Variants in PRR16 observed in about 807,000 individuals in gnomAD.
PRR16 encodes protein Largen.
PRR16 carries 6 observed loss-of-function variants against 18.2 expected under a neutral mutation model. The observed-to-expected ratio is 0.33, with a 90% CI of 0.18 to 0.65. The LOEUF (loss-of-function observed/expected upper bound fraction) is 0.65, where lower values mean the gene tolerates loss of function less well. PRR16 is among the 30% of genes least tolerant of loss of function. The pLI is 0.74. For missense variants in PRR16, 412 were observed against 376.6 expected, an observed-to-expected ratio of 1.09 and a Z score of -0.78; for synonymous variants, 151 against 147.8, an observed-to-expected ratio of 1.02 and a Z score of -0.16.
At chr5:120,622,791 C>T (rs1349456597) in intron 1 of PRR16, among the ~76,000 whole-genome samples, 1 of 152,020 alleles carries the variant, frequency 6.6e-6, no homozygotes, top group Admixed American at 6.6e-5. Context: ...GTTGGCATTT[C>T]ATATTTTAGC....
chr5:120,778,574 C>T, the PRR16 span, among the ~76,000 whole-genome samples: 1 of 152,156 alleles, frequency 6.6e-6, no homozygotes, highest in Non-Finnish European at 1.5e-5. Flanking sequence ...AGTCCAATAG[C>T]TTCAGGGACC....
chr5:120,770,122 G>C, the PRR16 span, among the ~76,000 whole-genome samples: 3 of 151,966 alleles, frequency 2.0e-5, no homozygotes, highest in Admixed American at 6.6e-5. Context: ...AACCAGAAAA[G>C]ACCCAAAATA....
intron 1 of PRR16, among the ~76,000 whole-genome samples, chr5:120,621,951 G>A (rs1754704022): frequency 1.3e-5 from 2 of 152,132 alleles, no homozygotes; most frequent in Admixed American, 1.3e-4. Context: ...CTGGCTCACT[G>A]TATTATTTCA....
At chr5:120,627,144 C>A (rs1754893842) in intron 1 of PRR16, among the ~76,000 whole-genome samples, 1 of 152,056 alleles carries the variant, frequency 6.6e-6, no homozygotes, top group South Asian at 2.1e-4. Flanking sequence ...ATATGCAGGG[C>A]ATTCATTTTT....
intron 1 of PRR16, among the ~76,000 whole-genome samples, chr5:120,650,399 A>T (rs868042094): frequency 6.6e-6 from 1 of 151,000 alleles, no homozygotes; most frequent in Non-Finnish European, 1.5e-5. Context: ...ACATATGTAT[A>T]CATGTGCCAT....
the PRR16 span, among the ~76,000 whole-genome samples, chr5:120,733,461 AC>A: frequency 6.6e-6 from 1 of 152,144 alleles, no homozygotes; most frequent in Non-Finnish European, 1.5e-5. Flanking sequence ...AAGATGGTAG[AC>A]TGTAATATTA....
chr5:120,464,415 C>T lies in PRR16; in HGVS notation c.-72C>T. ...ACCGGGGCGGCAGCGGCCGTAGCAG[C>T]GCCAGGGACGGGGGCACGCAGCAGC... On this transcript the variant is annotated 5_prime_UTR_variant, in exon 1 of 2. Transcript: ENST00000407149. 3 of 1,464,470 alleles carry T rather than the reference C, an allele frequency of 2.0e-6. No homozygotes were observed. Among genetic ancestry groups the T allele is most frequent in the South Asian group, 2.6e-5 (2 of 75,928 alleles). The allele number at this position is 1,464,470 out of a possible 1,614,324, so 90.7% of individuals were successfully genotyped here. A position where few individuals can be genotyped will look rare whatever the true frequency, so the allele number is the denominator to read the frequency against.
chr5:120,683,261 A>G (rs1757025979), intron 1 of PRR16, among the ~76,000 whole-genome samples: 2 of 152,154 alleles, frequency 1.3e-5, no homozygotes, highest in African/African-American at 2.4e-5. Context: ...ACTGGGCTGA[A>G]GCGAGTGGAT....
At chr5:120,689,497 G>T (rs1322384933), downstream of PRR16, among the ~76,000 whole-genome samples, 2 of 152,048 alleles carry the variant, frequency 1.3e-5, no homozygotes, top group East Asian at 3.9e-4. Context: ...TCTTCCTAAA[G>T]ACCATAAACA....
chr5:120,749,117 A>G, the PRR16 span, among the ~76,000 whole-genome samples: 2 of 152,288 alleles, frequency 1.3e-5, no homozygotes, highest in East Asian at 1.9e-4. Flanking sequence ...TTGAAAACAT[A>G]TAATGCATAT....
At chr5:120,635,918 A>G (rs1038637907) in intron 1 of PRR16, among the ~76,000 whole-genome samples, 4 of 152,170 alleles carry the variant, frequency 2.6e-5, no homozygotes, top group African/African-American at 9.6e-5. Context: ...GAATTCAGCA[A>G]AGTTTCAGGA....
At chr5:120,772,386 T>C in the PRR16 span, among the ~76,000 whole-genome samples, 1 of 152,260 alleles carries the variant, frequency 6.6e-6, no homozygotes, top group East Asian at 1.9e-4. Context: ...TACTACTGTA[T>C]CTGGAGTATA....
At chr5:120,550,117 A>G (rs1752205502) in intron 1 of PRR16, among the ~76,000 whole-genome samples, 1 of 152,014 alleles carries the variant, frequency 6.6e-6, no homozygotes, top group Non-Finnish European at 1.5e-5. Context: ...GAAAAATGAG[A>G]TATTGCACAG....
At chr5:120,617,232 C>G in intron 1 of PRR16, 1 of 887,432 alleles carries the variant, frequency 1.1e-6, no homozygotes, top group South Asian at 5.2e-5. Flanking sequence ...GGAATTTGGA[C>G]AGCACATACC....
intron 1 of PRR16, among the ~76,000 whole-genome samples, chr5:120,571,076 CA>C (rs1193057055): frequency 6.6e-6 from 1 of 151,996 alleles, no homozygotes; most frequent in African/African-American, 2.4e-5. Context: ...GGCATTTGAG[CA>C]GAGGATGGAG....
chr5:120,716,047 A>T, the PRR16 span, among the ~76,000 whole-genome samples: 10 of 152,164 alleles, frequency 6.6e-5, no homozygotes, highest in African/African-American at 1.9e-4. Flanking sequence ...AAATCTAAAC[A>T]GCAGCAACAA....
intron 1 of PRR16, among the ~76,000 whole-genome samples, chr5:120,509,646 C>T (rs1162325708): frequency 3.9e-5 from 6 of 152,070 alleles, no homozygotes; most frequent in African/African-American, 9.7e-5. Flanking sequence ...TTTAGCCTAT[C>T]GACTGCTTTC....
At chr5:120,727,014 A>C in the PRR16 span, among the ~76,000 whole-genome samples, 1 of 152,078 alleles carries the variant, frequency 6.6e-6, no homozygotes, top group Admixed American at 6.6e-5. Context: ...ATCCCCTTTC[A>C]GCCCCAGAAC....
intron 1 of PRR16, among the ~76,000 whole-genome samples, chr5:120,542,918 A>T (rs1231173855): frequency 6.6e-6 from 1 of 152,200 alleles, no homozygotes; most frequent in Non-Finnish European, 1.5e-5. Context: ...ACGAGTGATT[A>T]TTCAATGTGT....
Sources: allele counts gnomAD v4.1 joint callset (sites outside exome capture counted in the v4.1 genomes callset), GRCh38; gene constraint gnomAD v4.1.1; transcripts MANE v1.5; gene names NCBI Gene and HGNC (gene_info 2026-07-23, HGNC 2026-07-21).